The following GRM8 variants were observed in gnomAD, a reference collection of about 807,000 sequenced individuals.
GRM8 encodes the protein metabotropic glutamate receptor 8.
Under a neutral mutation model 87.2 loss-of-function variants are expected in GRM8, and 47 were observed. The ratio of observed to expected loss-of-function variants is 0.54; its 90% CI spans 0.43 to 0.69. The LOEUF (loss-of-function observed/expected upper bound fraction) is 0.69. Among genes scored for constraint, GRM8 ranks in the 30% least tolerant of loss-of-function variants. GRM8 has a pLI of 0.00. For synonymous variants in GRM8, 396 were observed against 404.5 expected, an observed-to-expected ratio of 0.98 and a Z score of 0.25; for missense variants, 1,019 against 1,139.2, an observed-to-expected ratio of 0.89 and a Z score of 1.52.
rs1815124850 is a variant in GRM8 at position 126,533,144 on chromosome 7, A to G, written c.2238T>C (p.Asp746=). ...ARGVLKCDIS[D]LSLICSLGYS... ...ATCCAAGTGAACAAATGAGTGAGAG[A>G]TCAGAAATGTCACACTTGAGCACTC... Residue 746 remains aspartate, a synonymous_variant, in exon 9 of 11, where the codon GAT becomes GAC. Coordinates refer to ENST00000339582, the MANE Select transcript of GRM8 (RefSeq NM_000845.3). 1 of 1,613,028 alleles carries G rather than the reference A, an allele frequency of 6.2e-7. No homozygotes were observed. Among genetic ancestry groups the G allele is most frequent in the Non-Finnish European group, 8.5e-7 (1 of 1,179,824 alleles).
chr7:126,517,721 T>C (rs977005228), intron 9 of GRM8, among the ~76,000 whole-genome samples: 4 of 152,062 alleles, frequency 2.6e-5, no homozygotes, highest in Non-Finnish European at 4.4e-5. Context: ...AATATCTTCA[T>C]AGAGCTCCTG....
intron 7 of GRM8, among the ~76,000 whole-genome samples, chr7:126,612,499 G>A (rs1234227452): frequency 1.3e-5 from 2 of 152,126 alleles, no homozygotes; most frequent in Non-Finnish European, 2.9e-5. Flanking sequence ...CTCCAACCCT[G>A]GGGAAGGTGC....
At chr7:126,870,871 A>G (rs1586265728) in intron 6 of GRM8, among the ~76,000 whole-genome samples, 1 of 152,302 alleles carries the variant, frequency 6.6e-6, no homozygotes, top group African/African-American at 2.4e-5. Flanking sequence ...ACAGCTCTTC[A>G]ATTTGTAAAA....
At chr7:127,073,571 G>A (rs1173443656) in intron 3 of GRM8, among the ~76,000 whole-genome samples, 1 of 152,130 alleles carries the variant, frequency 6.6e-6, no homozygotes, top group Non-Finnish European at 1.5e-5. Flanking sequence ...TTAGTCAGGG[G>A]AATGATTATT....
chr7:126,845,114 T>G (rs781227990), intron 6 of GRM8, among the ~76,000 whole-genome samples: 6 of 152,186 alleles, frequency 3.9e-5, no homozygotes, highest in Non-Finnish European at 5.9e-5. Context: ...AACAGAGGCA[T>G]GGAGGTTGGT....
chr7:127,128,138 T>C (rs375375664), intron 2 of GRM8, among the ~76,000 whole-genome samples: 44 of 152,266 alleles, frequency 2.9e-4, no homozygotes, highest in African/African-American at 8.2e-4. Context: ...AAAAATAATG[T>C]GTAGCTACTC....
At chr7:127,231,712 GTCC>G (rs2116811390) in intron 2 of GRM8, among the ~76,000 whole-genome samples, 1 of 152,234 alleles carries the variant, frequency 6.6e-6, no homozygotes, top group South Asian at 2.1e-4. Flanking sequence ...CTGTGTTTCT[GTCC>G]TTACCACACA....
At chr7:127,088,899 G>C (rs1039290298) in intron 3 of GRM8, among the ~76,000 whole-genome samples, 6 of 152,246 alleles carry the variant, frequency 3.9e-5, no homozygotes, top group Non-Finnish European at 8.8e-5. Flanking sequence ...GTGATTGCTT[G>C]AGTGATGAAC....
At chr7:126,710,284 C>T (rs999177457) in intron 7 of GRM8, among the ~76,000 whole-genome samples, 37 of 151,900 alleles carry the variant, frequency 2.4e-4, no homozygotes, top group South Asian at 1.2e-3. Flanking sequence ...ATTTCATAAA[C>T]GAGACAACAA....
At chr7:126,945,414 ATCCAAAATTC>A (rs1188824114) in intron 3 of GRM8, among the ~76,000 whole-genome samples, 4 of 152,192 alleles carry the variant, frequency 2.6e-5, no homozygotes, top group South Asian at 2.1e-4. Flanking sequence ...AAAGTTTGAA[ATCCAAAATTC>A]TCCAAAATTC....
chr7:126,446,647 T>A (rs569365254), intron 9 of GRM8, among the ~76,000 whole-genome samples: 2 of 152,048 alleles, frequency 1.3e-5, no homozygotes, highest in African/African-American at 4.8e-5. Flanking sequence ...AGATTATAAA[T>A]AAACATACAT....
chr7:127,221,796 C>T lies in GRM8; in HGVS notation c.510+20899G>A, dbSNP rs112982628. Among the ~76,000 whole-genome samples, 400 of 152,204 alleles carry T rather than the reference C, an allele frequency of 2.6e-3. 1 individual carries two copies. The highest frequency in any genetic ancestry group is 9.3e-3 in the African/African-American group (385 of 41,534). On this transcript the variant is annotated intron_variant, in intron 2 of 10. Coordinates refer to ENST00000339582, the MANE Select transcript of GRM8 (RefSeq NM_000845.3). ...CTCCATGACAATCTTTATCCAGAGC[C>T]CATCAACATTCAATCCAGTCCCTCA...
chr7:126,651,359 G>A (rs1180992980), intron 7 of GRM8, among the ~76,000 whole-genome samples: 2 of 152,178 alleles, frequency 1.3e-5, no homozygotes, highest in East Asian at 1.9e-4. Flanking sequence ...ATGCCAACTA[G>A]GTGACAATAC....
chr7:126,912,385 T>C (rs142215554), intron 3 of GRM8, among the ~76,000 whole-genome samples: 1 of 152,230 alleles, frequency 6.6e-6, no homozygotes, highest in East Asian at 1.9e-4. Flanking sequence ...GACATTGATC[T>C]TCTCCTGCTC....
chr7:126,580,460 T>C (rs1041461276), intron 8 of GRM8, among the ~76,000 whole-genome samples: 1 of 152,112 alleles, frequency 6.6e-6, no homozygotes, highest in African/African-American at 2.4e-5. Flanking sequence ...TTCTTCTTTT[T>C]CCTAAAATCT....
intron 2 of GRM8, among the ~76,000 whole-genome samples, chr7:127,201,317 A>G (rs1184889350): frequency 1.3e-5 from 2 of 152,246 alleles, no homozygotes; most frequent in African/African-American, 4.8e-5. Flanking sequence ...AGTAGAGTAT[A>G]GCATAAAATA....
chr7:126,579,484 C>T (rs186033467), intron 8 of GRM8, among the ~76,000 whole-genome samples: 18 of 152,278 alleles, frequency 1.2e-4, no homozygotes, highest in African/African-American at 3.6e-4. Context: ...AACATGCTGA[C>T]TGGAATCAGC....
intron 8 of GRM8, among the ~76,000 whole-genome samples, chr7:126,558,668 G>T (rs1411536532): frequency 6.6e-6 from 1 of 151,932 alleles, no homozygotes; most frequent in East Asian, 1.9e-4. Context: ...AGGGAATAAT[G>T]ATGAGAAAAA....
chr7:126,863,200 T>G (rs1201216116), intron 6 of GRM8, among the ~76,000 whole-genome samples: 1 of 152,172 alleles, frequency 6.6e-6, no homozygotes, highest in Non-Finnish European at 1.5e-5. Flanking sequence ...TTTAACTTGC[T>G]TCATTAACTC....
Sources: allele counts gnomAD v4.1 joint callset (sites outside exome capture counted in the v4.1 genomes callset), GRCh38; gene constraint gnomAD v4.1.1; transcripts MANE v1.5; gene names NCBI Gene and HGNC (gene_info 2026-07-23, HGNC 2026-07-21).